Variants in SEMA3D observed in about 807,000 individuals in gnomAD.
SEMA3D encodes the protein semaphorin-3D.
In SEMA3D, 84 loss-of-function variants were observed where a neutral mutation model predicts 100.1. The observed-to-expected ratio is 0.84, with a 90% CI of 0.70 to 1.01. The LOEUF (loss-of-function observed/expected upper bound fraction) is 1.01. SEMA3D is among the 50% of genes least tolerant of loss of function. The pLI is 0.00. For synonymous variants in SEMA3D, 312 were observed against 320.7 expected (o/e 0.97, Z 0.29); for missense variants, 875 against 934.1 (o/e 0.94, Z 0.82).
At chr7:85,173,898 A>G (rs1488926326) in intron 1 of SEMA3D, among the ~76,000 whole-genome samples, 1 of 152,156 alleles carries the variant, frequency 6.6e-6, no homozygotes, top group Non-Finnish European at 1.5e-5. Context: ...ATTCATTTCC[A>G]TATTTTAAAG....
At chr7:85,140,919 G>A (rs1233707219) in intron 2 of SEMA3D, 1 of 606,502 alleles carries the variant, frequency 1.6e-6, no homozygotes, top group Non-Finnish European at 2.1e-6. Context: ...AGTTAGAGAT[G>A]ATCACTGTTA....
intron 12 of SEMA3D, chr7:85,029,500 G>A (rs898262744): frequency 4.7e-5 from 31 of 659,676 alleles, no homozygotes; most frequent in South Asian, 2.8e-4. Context: ...CAACTGGCTC[G>A]ACAAGAATCA....
At chr7:85,175,201 G>C (rs1791192845) in intron 1 of SEMA3D, among the ~76,000 whole-genome samples, 1 of 152,108 alleles carries the variant, frequency 6.6e-6, no homozygotes, top group Admixed American at 6.5e-5. Context: ...ACTATTCACT[G>C]TACACTATTA....
At chr7:85,159,216 G>A (rs1790678575) in intron 1 of SEMA3D, among the ~76,000 whole-genome samples, 1 of 152,144 alleles carries the variant, frequency 6.6e-6, no homozygotes, top group Non-Finnish European at 1.5e-5. Context: ...GGGTAGAGGA[G>A]GGTGTTAAAT....
In SEMA3D at chr7:85,022,518, C is replaced by T. The variant is rs1242700777; in HGVS notation, c.1287G>A (p.Lys429=). The change falls in exon 13 of 19, where the codon AAG becomes AAA. Residue 429 remains lysine (K), a synonymous_variant. Coordinates refer to ENST00000284136, the MANE Select transcript of SEMA3D (RefSeq NM_001384900.1). ...GTCCTCCTGCAACTGGGTATACGGA[C>T]TTATACATCACAGAGTGCCGCTTTA... The part of the protein sequence containing the change: ...SFIKRHSVMY[K]SVYPVAGGPT... 3 of 1,612,450 alleles carry T rather than the reference C, an allele frequency of 1.9e-6. No homozygotes were observed. Among genetic ancestry groups the T allele is most frequent in the Non-Finnish European group, 2.5e-6 (3 of 1,178,900 alleles).
the SEMA3D span, among the ~76,000 whole-genome samples, chr7:85,223,797 C>T: frequency 6.6e-5 from 10 of 151,860 alleles, no homozygotes; most frequent in East Asian, 1.9e-4. Flanking sequence ...AAAGACTACA[C>T]ATTGGGTACA....
chr7:85,043,249 T>G (rs1790913124), intron 9 of SEMA3D, among the ~76,000 whole-genome samples: 1 of 152,104 alleles, frequency 6.6e-6, no homozygotes, highest in East Asian at 1.9e-4. Flanking sequence ...ATCCCCGCTA[T>G]TCAGGAGGCT....
chr7:85,174,479 G>C (rs1791173074), intron 1 of SEMA3D, among the ~76,000 whole-genome samples: 2 of 152,088 alleles, frequency 1.3e-5, no homozygotes, highest in South Asian at 4.1e-4. Context: ...AAAAACAGAG[G>C]CATTAGATTC....
intron 2 of SEMA3D, among the ~76,000 whole-genome samples, chr7:85,131,182 T>G (rs1789715585): frequency 6.6e-6 from 1 of 152,096 alleles, no homozygotes; most frequent in African/African-American, 2.4e-5. Context: ...AAAGTACAAG[T>G]ACAGTTTGTA....
rs1460527034 is a variant in SEMA3D at position 85,181,344 on chromosome 7, AC to A, written c.-173+5333del. The stretch of plus-strand genomic sequence containing the variant: ...AACACACACACACACACACACACAC[AC>A]ACACACACACACACACATGCACTGC... On this transcript the variant is annotated intron_variant, in intron 1 of 18. Transcript: ENST00000284136. 2.4e-3 allele frequency among the ~76,000 whole-genome samples: 334 copies of A among 137,458 alleles called. 3 individuals carry two copies. The highest frequency in any genetic ancestry group is 7.6e-3 in the African/African-American group (278 of 36,350). 90.2% of individuals were successfully genotyped at this position (137,458 alleles called of 152,430 possible). A position where few individuals can be genotyped will look rare whatever the true frequency, so the allele number is the denominator to read the frequency against.
chr7:85,221,318 G>A, the SEMA3D span, among the ~76,000 whole-genome samples: 1 of 152,038 alleles, frequency 6.6e-6, no homozygotes, highest in East Asian at 1.9e-4. Context: ...ACACTCTATT[G>A]TTTGAAGTAG....
In SEMA3D at chr7:85,068,211, G is replaced by A. The variant is rs772215637; in HGVS notation, c.569C>T (p.Pro190Leu). ...RLKCPFDPQQ[P>L]FASVMTDEYL... ...CTTACCTGTCATTACTGAAGCAAAA[G>A]GCTGCTGAGGATCGAAAGGACATTT... Residue 190 changes from proline (P) to leucine (L), a missense_variant, in exon 7 of 19, where the codon CCT (proline) becomes CTT (leucine). Transcript: ENST00000284136. 13 of 1,602,838 alleles carry A rather than the reference G, an allele frequency of 8.1e-6. No individual in the cohort carries two copies. The highest frequency in any genetic ancestry group is 8.5e-7 in the Non-Finnish European group (1 of 1,170,058).
chr7:85,082,862 T>C (rs1038427923), intron 4 of SEMA3D, among the ~76,000 whole-genome samples: 6 of 152,170 alleles, frequency 3.9e-5, no homozygotes, highest in Non-Finnish European at 7.3e-5. Context: ...GATATGTATA[T>C]AGGCAGGTGG....
chr7:85,079,356 C>T (rs1466019476), intron 5 of SEMA3D, among the ~76,000 whole-genome samples: 1 of 152,106 alleles, frequency 6.6e-6, no homozygotes. Flanking sequence ...TAAAAATTAT[C>T]ACTACATGAT....
the SEMA3D span, among the ~76,000 whole-genome samples, chr7:85,202,231 G>A: frequency 9.8e-4 from 106 of 108,344 alleles, no homozygotes; most frequent in African/African-American, 1.7e-3. Flanking sequence ...ACAACAGTCC[G>A]CAGAATGTGA....
intron 3 of SEMA3D, among the ~76,000 whole-genome samples, chr7:85,114,494 T>A (rs1432750619): frequency 6.6e-6 from 1 of 152,138 alleles, no homozygotes; most frequent in East Asian, 1.9e-4. Context: ...AGGTGACTAC[T>A]CTATTATTAG....
At chr7:85,065,387 C>A (rs199596884) in intron 8 of SEMA3D, 37 bp downstream of exon 8, 2 of 1,598,322 alleles carry the variant, frequency 1.3e-6, no homozygotes, top group South Asian at 2.2e-5. Flanking sequence ...TAAACCAAAG[C>A]AAGACAATCA....
intron 2 of SEMA3D, among the ~76,000 whole-genome samples, chr7:85,123,864 T>A (rs1789496341): frequency 6.6e-6 from 1 of 152,082 alleles, no homozygotes; most frequent in South Asian, 2.1e-4. Flanking sequence ...TAACAAATAT[T>A]GCATATTTTA....
In SEMA3D at chr7:85,104,354, G is replaced by A. The variant is rs527888869; in HGVS notation, c.152-6389C>T. 4.6e-5 allele frequency among the ~76,000 whole-genome samples: 7 copies of A among 152,092 alleles called. No homozygotes were observed. In the South Asian group the frequency reaches 1.5e-3, roughly 32 times the overall value. On this transcript the variant is annotated intron_variant, in intron 3 of 18. Transcript: ENST00000284136. ...CATTAAGTATCTCTAATAGTAAAAT[G>A]GAAATATCTTTTTATCTATATTTCC...
Sources: gnomAD v4.1 joint callset for allele counts (sites outside exome capture counted in the v4.1 genomes callset) on GRCh38, gnomAD v4.1.1 for gene constraint, MANE v1.5 for transcripts, NCBI Gene and HGNC (gene_info 2026-07-23, HGNC 2026-07-21) for gene names.